Variants in FZD3 observed in about 807,000 individuals in gnomAD.
FZD3 encodes frizzled class receptor 3, also known as frizzled-3.
In FZD3, 30 loss-of-function variants were observed where a neutral mutation model predicts 60.7. That is an observed-to-expected ratio of 0.49 (90% confidence interval 0.37 to 0.67). FZD3 has a LOEUF of 0.67. FZD3 is among the 30% of genes least tolerant of loss of function. The probability of loss-of-function intolerance (pLI) is 0.00; values close to 1 mark genes in which losing one functional copy is unlikely to be tolerated. For synonymous variants in FZD3, 246 were observed against 275.2 expected (o/e 0.89, Z 1.05); for missense variants, 605 against 838.7 (o/e 0.72, Z 3.44).
chr8:28,527,195 A>G lies in FZD3; in HGVS notation c.435A>G (p.Leu145=), dbSNP rs2241802. ...ATCCTCGACTTGTGGATCTGAATTT[A>G]GCTGGAGAACCAACTGAAGGAGCCC... The part of the protein sequence containing the change: ...EPYPRLVDLN[L]AGEPTEGAPV... The change falls in exon 5 of 8, where the codon TTA becomes TTG. Residue 145 remains leucine (L), a synonymous_variant. Transcript: ENST00000240093. This position sits in a 1 kb window ranked among gnomAD's most constrained non-coding sequence, Gnocchi z 5.0. 902,755 of 1,612,640 alleles carry G rather than the reference A, an allele frequency of 0.56. 254,266 individuals carry two copies. Among genetic ancestry groups the G allele is most frequent in the Middle Eastern group, 0.64 (3,891 of 6,052 alleles).
intron 1 of FZD3, among the ~76,000 whole-genome samples, chr8:28,499,514 G>A (rs1243368582): frequency 7.9e-5 from 12 of 151,776 alleles, no homozygotes; most frequent in East Asian, 7.7e-4. Context: ...GTGTACTTAC[G>A]TGTTTACTTA....
At chr8:28,519,551 G>A (rs534745371) in intron 3 of FZD3, among the ~76,000 whole-genome samples, 6 of 152,066 alleles carry the variant, frequency 3.9e-5, no homozygotes, top group South Asian at 2.1e-4. Flanking sequence ...GCAACATGGC[G>A]AGACCCTGTC....
intron 3 of FZD3, among the ~76,000 whole-genome samples, chr8:28,519,132 T>C (rs1804507306): frequency 6.6e-6 from 1 of 152,204 alleles, no homozygotes; most frequent in South Asian, 2.1e-4. Flanking sequence ...TAGGAGGCTC[T>C]GGAAAATAAT....
chr8:28,564,875 G>C lies in FZD3; in HGVS notation c.*1864G>C, dbSNP rs867731800. 6.6e-6 allele frequency: 1 copy of C among 152,092 alleles called. No individual in the cohort carries two copies. Among genetic ancestry groups the C allele is most frequent in the Non-Finnish European group, 1.5e-5 (1 of 68,012 alleles). 9.4% of individuals were successfully genotyped at this position (152,092 alleles called of 1,614,324 possible). A position where few individuals can be genotyped will look rare whatever the true frequency, so the allele number is the denominator to read the frequency against. ...GTAAATGAAGATAGAAGATAAATACGTACTCTACCTACCTCACAAAGCTGT... is the reference window on the plus strand; with the variant it reads ...GTAAATGAAGATAGAAGATAAATACCTACTCTACCTACCTCACAAAGCTGT... On this transcript the variant is annotated 3_prime_UTR_variant, in exon 8 of 8. Coordinates refer to ENST00000240093, the MANE Select transcript of FZD3 (RefSeq NM_017412.4).
rs1279678140 is a variant in FZD3, at chr8:28,564,537, G to T, written c.*1526G>T. On this transcript the variant is annotated 3_prime_UTR_variant, in exon 8 of 8. Transcript: ENST00000240093. Reference sequence around the variant, plus strand: ...TTTAACTTGCCCCTGATGATCTGTCGGCATCATATATCACATGAACATCCA... The same window carrying T: ...TTTAACTTGCCCCTGATGATCTGTCTGCATCATATATCACATGAACATCCA... 2 of 150,458 alleles carry T rather than the reference G, an allele frequency of 1.3e-5. No individual in the cohort carries two copies. The highest frequency in any genetic ancestry group is 4.9e-5 in the African/African-American group (2 of 40,936). The allele number at this position is 150,458 out of a possible 1,614,324, so 9.3% of individuals were successfully genotyped here.
intron 7 of FZD3, among the ~76,000 whole-genome samples, chr8:28,559,003 T>A (rs1216353499): frequency 6.6e-6 from 1 of 152,140 alleles, no homozygotes; most frequent in East Asian, 1.9e-4. Flanking sequence ...ACAGTGAGTG[T>A]TAAAGATAAC....
At chr8:28,509,355 T>G (rs113299894) in intron 3 of FZD3, among the ~76,000 whole-genome samples, 3,272 of 151,900 alleles carry the variant, frequency 0.022, 135 homozygotes, top group African/African-American at 0.074. Flanking sequence ...ATCTATATTC[T>G]TTCACCTTTT....
intron 3 of FZD3, among the ~76,000 whole-genome samples, chr8:28,519,730 TAAAA>T (rs58605065): frequency 4.4e-5 from 6 of 135,682 alleles, no homozygotes; most frequent in Admixed American, 7.3e-5. Flanking sequence ...ACCCTGTCTT[TAAAA>T]AAAAAAAAAA....
chr8:28,543,851 A>G (rs1008178063), intron 5 of FZD3, among the ~76,000 whole-genome samples: 2 of 152,316 alleles, frequency 1.3e-5, no homozygotes, highest in East Asian at 3.9e-4. Flanking sequence ...AAGTTTTTCC[A>G]GCTTAATAGG....
Position 28,527,558 on chromosome 8 carries a change from A to C in FZD3, c.798A>C (p.Ala266=), listed in dbSNP as rs1270362162. The change falls in exon 5 of 8, where the codon GCA becomes GCC. Residue 266 remains alanine, a synonymous_variant. Transcript: ENST00000240093. The surrounding 1 kb of genome is among the most constrained non-coding windows in gnomAD (Gnocchi z 5.0). ...FLLEDRVACN[A]SIPAQYKAST... ...TTGAAGATCGAGTAGCCTGCAATGCATCCATCCCTGCACAATATAAGGCTT... is the reference window on the plus strand; with the variant it reads ...TTGAAGATCGAGTAGCCTGCAATGCCTCCATCCCTGCACAATATAAGGCTT... 1 of 1,614,056 alleles carries C rather than the reference A, an allele frequency of 6.2e-7. No individual in the cohort carries two copies. The highest frequency in any genetic ancestry group is 8.5e-7 in the Non-Finnish European group (1 of 1,179,902).
chr8:28,529,809 T>C (rs1804815979), intron 5 of FZD3, among the ~76,000 whole-genome samples: 1 of 152,144 alleles, frequency 6.6e-6, no homozygotes, highest in Admixed American at 6.6e-5. Flanking sequence ...TAAAAACTCT[T>C]ATTATGAGTT....
At chr8:28,557,427 TCA>T (rs2130468520) in intron 7 of FZD3, among the ~76,000 whole-genome samples, 1 of 152,288 alleles carries the variant, frequency 6.6e-6, no homozygotes, top group South Asian at 2.1e-4. Flanking sequence ...CCTGTCAGTC[TCA>T]GTCTTCTCCC....
intron 7 of FZD3, among the ~76,000 whole-genome samples, chr8:28,558,651 C>G (rs969066918): frequency 5.3e-5 from 8 of 152,148 alleles, no homozygotes; most frequent in Admixed American, 4.6e-4. Context: ...AAGCTGGTCT[C>G]GAACTCCTGG....
chr8:28,535,365 A>C (rs1804983204), intron 5 of FZD3, among the ~76,000 whole-genome samples: 1 of 152,206 alleles, frequency 6.6e-6, no homozygotes, highest in Non-Finnish European at 1.5e-5. Context: ...ACTATGGTAC[A>C]TCTGTTATAA....
chr8:28,531,397 A>T (rs1288362358), intron 5 of FZD3, among the ~76,000 whole-genome samples: 2 of 152,060 alleles, frequency 1.3e-5, no homozygotes, highest in African/African-American at 4.8e-5. Flanking sequence ...CAATTTATTC[A>T]CTCATTTATT....
At chr8:28,531,326 G>T (rs1162987138) in intron 5 of FZD3, among the ~76,000 whole-genome samples, 2 of 152,080 alleles carry the variant, frequency 1.3e-5, no homozygotes, top group Non-Finnish European at 2.9e-5. Flanking sequence ...TATATATGTT[G>T]ATATGTGTAC....
At chr8:28,507,387 T>G (rs1283517779) in intron 3 of FZD3, among the ~76,000 whole-genome samples, 1 of 152,202 alleles carries the variant, frequency 6.6e-6, no homozygotes, top group Non-Finnish European at 1.5e-5. Flanking sequence ...GAGGCTTGAT[T>G]AGACACGAGT....
Position 28,527,259 on chromosome 8 carries a change from C to T in FZD3, c.499C>T (p.Arg167Ter). The T allele has an allele frequency of 1.2e-6, 2 of 1,613,840 alleles. No homozygotes were observed. Among genetic ancestry groups the T allele is most frequent in the Non-Finnish European group, 1.7e-6 (2 of 1,179,870 alleles). Reference sequence around the variant, plus strand: ...GAGAGACTATGGTTTTTGGTGTCCCCGAGAGTTAAAAATTGATCCTGATCT... The same window carrying T: ...GAGAGACTATGGTTTTTGGTGTCCCTGAGAGTTAAAAATTGATCCTGATCT... ...VQRDYGFWCP[R>*]ELKIDPDLGY... The change falls in exon 5 of 8, where the codon CGA becomes TGA. Residue 167 changes from arginine (R) to a stop codon, truncating the protein, a stop_gained. Coordinates refer to ENST00000240093, the MANE Select transcript of FZD3 (RefSeq NM_017412.4). LOFTEE classifies it high-confidence loss of function. The surrounding 1 kb of genome is among the most constrained non-coding windows in gnomAD (Gnocchi z 5.0).
rs111513479 is a variant in FZD3, at chr8:28,569,860, A to G, written c.*6849A>G. 9.1e-3 allele frequency: 1,392 copies of G among 152,318 alleles called. 25 individuals are homozygous for G. The highest frequency in any genetic ancestry group is 0.031 in the African/African-American group (1,306 of 41,564). The allele number at this position is 152,318 out of a possible 1,614,324, so 9.4% of individuals were successfully genotyped here. On this transcript the variant is annotated 3_prime_UTR_variant, in exon 8 of 8. Transcript: ENST00000240093. ...CTCTTAAATATGAATATAGCTAGTT[A>G]GCCTAAAATTTACACAAAATGTATT... is the stretch of plus-strand genomic sequence containing the variant.
Sources: allele counts gnomAD v4.1 joint callset (sites outside exome capture counted in the v4.1 genomes callset), GRCh38; gene constraint gnomAD v4.1.1; non-coding constraint Gnocchi (gnomAD v3.1); transcripts MANE v1.5; gene names NCBI Gene and HGNC (gene_info 2026-07-23, HGNC 2026-07-21).